The following BTBD9 variants were observed in gnomAD, a reference collection of about 807,000 sequenced individuals.
The protein encoded by BTBD9 is BTB domain containing 9, also known as BTB/POZ domain-containing protein 9.
Under a neutral mutation model 64.3 loss-of-function variants are expected in BTBD9, and 49 were observed. The ratio of observed to expected loss-of-function variants is 0.76; its 90% CI spans 0.61 to 0.97. The LOEUF (loss-of-function observed/expected upper bound fraction) is 0.97. BTBD9 is among the 50% of genes least tolerant of loss of function. The probability of loss-of-function intolerance (pLI) is 0.00; values close to 1 mark genes in which losing one functional copy is unlikely to be tolerated. For synonymous variants in BTBD9, 260 were observed against 274.7 expected (o/e 0.95, Z 0.53); for missense variants, 598 against 762.1 (o/e 0.78, Z 2.53).
At chr6:38,406,423 T>C (rs984904157) in intron 6 of BTBD9, among the ~76,000 whole-genome samples, 3 of 152,190 alleles carry the variant, frequency 2.0e-5, no homozygotes, top group African/African-American at 4.8e-5. Flanking sequence ...GGAATATACA[T>C]ACATTACCAT....
intron 1 of BTBD9, among the ~76,000 whole-genome samples, chr6:38,629,993 A>C (rs867174042): frequency 1.3e-5 from 2 of 152,088 alleles, no homozygotes; most frequent in Middle Eastern, 6.8e-3. Context: ...GGATCACCTG[A>C]GGTCAAGAGT....
chr6:38,598,304 C>CTGTA (rs1373254220), intron 1 of BTBD9, among the ~76,000 whole-genome samples, 183 bp from the exon 2 acceptor site: 2 of 152,180 alleles, frequency 1.3e-5, no homozygotes, highest in Admixed American at 6.5e-5. Context: ...CTTCCCTTAA[C>CTGTA]TGTACTCCCT....
Position 38,507,798 on chromosome 6 carries a change from A to T in BTBD9, c.1154+69802T>A, listed in dbSNP as rs1772599281. On this transcript the variant is annotated intron_variant, in intron 6 of 10. Transcript: ENST00000481247. Reference sequence around the variant, plus strand: ...TCATCTCATGTACTTGTAGAGTTTCAGTTACTATCAATATGAAAATGTCTC... The same window carrying T: ...TCATCTCATGTACTTGTAGAGTTTCTGTTACTATCAATATGAAAATGTCTC... 2.0e-5 allele frequency among the ~76,000 whole-genome samples: 3 copies of T among 150,456 alleles called. No homozygotes were observed. In the South Asian group the frequency reaches 6.3e-4, roughly 32 times the overall value.
intron 8 of BTBD9, among the ~76,000 whole-genome samples, chr6:38,264,560 G>A (rs770150304): frequency 3.9e-5 from 6 of 152,238 alleles, no homozygotes; most frequent in Non-Finnish European, 8.8e-5. Context: ...GGGGCAGGAG[G>A]GAGCCTGTAA....
rs150726163 is a variant in BTBD9 at position 38,470,694 on chromosome 6, G to A, written c.1154+106906C>T. Among the ~76,000 whole-genome samples the A allele has an allele frequency of 2.0e-5, 3 of 152,336 alleles. No individual in the cohort carries two copies. The East Asian group carries it at 5.8e-4, about 29-fold the overall frequency. ...GGCCTTCTCAACAAGAGAAGAGTGT[G>A]TACCTCTGCAGAGCAGCTGATGATG... On this transcript the variant is annotated intron_variant, in intron 6 of 10. Transcript: ENST00000481247.
chr6:38,534,426 T>C (rs975699663), intron 6 of BTBD9, among the ~76,000 whole-genome samples: 2 of 148,606 alleles, frequency 1.3e-5, no homozygotes, highest in Non-Finnish European at 3.0e-5. Context: ...ACTGCTGAAC[T>C]CTACCAAACA....
chr6:38,249,659 A>G (rs1033283852), intron 9 of BTBD9, among the ~76,000 whole-genome samples: 3 of 150,044 alleles, frequency 2.0e-5, no homozygotes, highest in African/African-American at 7.4e-5. Context: ...AGCACCAGGT[A>G]TTTCTTCCCT....
intron 1 of BTBD9, among the ~76,000 whole-genome samples, chr6:38,616,674 G>A (rs1777802452): frequency 6.6e-6 from 1 of 152,058 alleles, no homozygotes; most frequent in African/African-American, 2.4e-5. Context: ...ATCGCGGGGA[G>A]GACTGAAAAG....
At chr6:38,522,008 A>G (rs1056173943) in intron 6 of BTBD9, among the ~76,000 whole-genome samples, 2 of 152,082 alleles carry the variant, frequency 1.3e-5, no homozygotes, top group African/African-American at 4.8e-5. Context: ...CAGTTTTTAC[A>G]CCTAGCCTAT....
chr6:38,520,642 T>C (rs1018032698), intron 6 of BTBD9, among the ~76,000 whole-genome samples: 7 of 151,674 alleles, frequency 4.6e-5, no homozygotes, highest in Non-Finnish European at 8.8e-5. Flanking sequence ...TGCCATTAAA[T>C]ATTTAAAAGG....
chr6:38,415,601 C>T (rs918609095), intron 6 of BTBD9, among the ~76,000 whole-genome samples: 14 of 152,192 alleles, frequency 9.2e-5, no homozygotes, highest in Non-Finnish European at 1.9e-4. Flanking sequence ...GAAACTAATA[C>T]AGCACCCAAG....
intron 7 of BTBD9, among the ~76,000 whole-genome samples, chr6:38,300,111 G>C (rs1762327853): frequency 6.6e-6 from 1 of 152,174 alleles, no homozygotes; most frequent in Non-Finnish European, 1.5e-5. Context: ...TTATTAAATA[G>C]GGAATCCTTT....
chr6:38,277,455 T>C (rs144918530), intron 8 of BTBD9, among the ~76,000 whole-genome samples: 2,803 of 152,102 alleles, frequency 0.018, 82 homozygotes, highest in African/African-American at 0.064. Flanking sequence ...TGCCTTGGCC[T>C]CCTGAGTAGC....
intron 6 of BTBD9, among the ~76,000 whole-genome samples, chr6:38,446,326 G>A (rs1769276668): frequency 6.6e-6 from 1 of 151,612 alleles, no homozygotes; most frequent in African/African-American, 2.4e-5. Context: ...TTTTAAGAGT[G>A]AGGTTAAGAG....
chr6:38,326,561 T>C lies in BTBD9; in HGVS notation c.1264+18423A>G, dbSNP rs1033361680. 2.6e-5 allele frequency among the ~76,000 whole-genome samples: 4 copies of C among 152,302 alleles called. No homozygotes were observed. The East Asian group carries it at 5.8e-4, about 22-fold the overall frequency. On this transcript the variant is annotated intron_variant, in intron 7 of 10. Transcript: ENST00000481247. Reference sequence around the variant, plus strand: ...GTGGTGGCTTGCGCTAGGGTGGCAGTAGCAGTAGTGACAAGAAGGAACAGA... The same window carrying C: ...GTGGTGGCTTGCGCTAGGGTGGCAGCAGCAGTAGTGACAAGAAGGAACAGA...
rs572061114 is a variant in BTBD9, at chr6:38,391,813, G to A, written c.1155-46720C>T. 6.6e-5 allele frequency among the ~76,000 whole-genome samples: 10 copies of A among 152,264 alleles called. No individual in the cohort carries two copies. In the South Asian group the frequency reaches 2.1e-3, roughly 32 times the overall value. ...CGAAAAGGCAGGTGGCTCCCGAACAGGCAGCTGGGTTTTTGCTCCTCTTAC... is the reference window on the plus strand; with the variant it reads ...CGAAAAGGCAGGTGGCTCCCGAACAAGCAGCTGGGTTTTTGCTCCTCTTAC... On this transcript the variant is annotated intron_variant, in intron 6 of 10. Transcript: ENST00000481247.
At chr6:38,609,483 G>A (rs1270865532) in intron 1 of BTBD9, among the ~76,000 whole-genome samples, 1 of 152,052 alleles carries the variant, frequency 6.6e-6, no homozygotes, top group Non-Finnish European at 1.5e-5. Context: ...AAACCCCCAA[G>A]AATAAGCAAA....
chr6:38,369,611 A>G (rs1765336000), intron 6 of BTBD9, among the ~76,000 whole-genome samples: 1 of 152,258 alleles, frequency 6.6e-6, no homozygotes, highest in Non-Finnish European at 1.5e-5. Context: ...AAGTAATTTC[A>G]AGGAAAGATG....
chr6:38,313,910 C>T (rs1001509613), intron 7 of BTBD9, among the ~76,000 whole-genome samples: 10 of 151,592 alleles, frequency 6.6e-5, no homozygotes, highest in Admixed American at 5.9e-4. Context: ...CCCCCACATC[C>T]GGCTAATTTT....
Sources: gnomAD v4.1 joint callset for allele counts (sites outside exome capture counted in the v4.1 genomes callset) on GRCh38, gnomAD v4.1.1 for gene constraint, MANE v1.5 for transcripts, NCBI Gene and HGNC (gene_info 2026-07-23, HGNC 2026-07-21) for gene names.